Variants in PDE3B observed in about 807,000 individuals in gnomAD.
PDE3B encodes phosphodiesterase 3B.
A neutral mutation model predicts 116.8 loss-of-function variants in PDE3B; 66 were observed. The observed-to-expected ratio is 0.56, with a 90% CI of 0.46 to 0.69. The LOEUF (loss-of-function observed/expected upper bound fraction) is 0.69, where lower values mean the gene tolerates loss of function less well. Ranked by LOEUF, PDE3B falls within the 30% of genes least tolerant of loss-of-function variation. PDE3B has a pLI of 0.00. For missense variants in PDE3B, 1,384 were observed against 1,368.1 expected (o/e 1.01, Z -0.18); for synonymous variants, 595 against 533.6 (o/e 1.12, Z -1.59).
chr11:14,858,906 A>G (rs891250896), intron 12 of PDE3B, 137 bp from the exon 13 acceptor site: 11 of 575,750 alleles, frequency 1.9e-5, no homozygotes, highest in Non-Finnish European at 3.0e-5. Context: ...ACCTATTTTC[A>G]CAGGTACTAA....
intron 2 of PDE3B, among the ~76,000 whole-genome samples, chr11:14,779,124 AAAAG>A (rs1377873384): frequency 6.6e-6 from 1 of 152,188 alleles, no homozygotes; most frequent in Non-Finnish European, 1.5e-5. Context: ...ATTTAGAGAA[AAAAG>A]AAAGAAATGA....
intron 4 of PDE3B, among the ~76,000 whole-genome samples, chr11:14,795,788 T>TCC (rs1858533872): frequency 1.3e-5 from 2 of 152,156 alleles, no homozygotes; most frequent in African/African-American, 2.4e-5. Flanking sequence ...AGTGTGTTTG[T>TCC]ATGCTGTGAA....
chr11:14,704,111 T>G (rs1484987579), intron 1 of PDE3B, among the ~76,000 whole-genome samples: 1 of 151,824 alleles, frequency 6.6e-6, no homozygotes, highest in East Asian at 1.9e-4. Flanking sequence ...CTAATTTTTA[T>G]AATTCATTTC....
chr11:14,754,128 A>T (rs1857124375), intron 1 of PDE3B, among the ~76,000 whole-genome samples: 1 of 152,100 alleles, frequency 6.6e-6, no homozygotes, highest in South Asian at 2.1e-4. Context: ...AACTTTAAAA[A>T]ATATTTCATG....
chr11:14,899,049 G>A, the PDE3B span, among the ~76,000 whole-genome samples: 2 of 152,028 alleles, frequency 1.3e-5, no homozygotes, highest in African/African-American at 2.4e-5. Flanking sequence ...GATGTCAGAG[G>A]GCCCAAAACT....
chr11:14,813,319 G>A (rs964652174), intron 5 of PDE3B, among the ~76,000 whole-genome samples: 1 of 152,108 alleles, frequency 6.6e-6, no homozygotes, highest in Non-Finnish European at 1.5e-5. Flanking sequence ...GCTTTAGGGG[G>A]TAATCCATTT....
chr11:14,767,609 A>C (rs1857531194), intron 1 of PDE3B, among the ~76,000 whole-genome samples: 1 of 151,516 alleles, frequency 6.6e-6, no homozygotes, highest in African/African-American at 2.4e-5. Flanking sequence ...AAAATACTTC[A>C]GGTAAGATGA....
chr11:14,768,094 A>T (rs1316215524), intron 1 of PDE3B, among the ~76,000 whole-genome samples: 1 of 151,012 alleles, frequency 6.6e-6, no homozygotes, highest in Non-Finnish European at 1.5e-5. Flanking sequence ...TTATTCCCAC[A>T]TTTTTTTCTG....
At chr11:14,804,977 C>A (rs1443777663) in intron 5 of PDE3B, among the ~76,000 whole-genome samples, 1 of 151,880 alleles carries the variant, frequency 6.6e-6, no homozygotes, top group Non-Finnish European at 1.5e-5. Flanking sequence ...CAAACTGAAG[C>A]ACAGAGAAGG....
chr11:14,654,313 T>C (rs1263603048), intron 1 of PDE3B, among the ~76,000 whole-genome samples: 2 of 152,056 alleles, frequency 1.3e-5, no homozygotes, highest in Non-Finnish European at 2.9e-5. Flanking sequence ...AAAAGAGAAA[T>C]GGCCTTCAAA....
chr11:14,782,048 C>T (rs1363187207), intron 2 of PDE3B, among the ~76,000 whole-genome samples: 2 of 152,162 alleles, frequency 1.3e-5, no homozygotes, highest in Non-Finnish European at 2.9e-5. Context: ...TGAGTGAACT[C>T]CCATTCATGA....
chr11:14,867,865 C>T, intron 15 of PDE3B, 107 bp downstream of exon 15: 4 of 833,942 alleles, frequency 4.8e-6, no homozygotes, highest in Non-Finnish European at 7.4e-6. Flanking sequence ...TTTTGAGTGC[C>T]AGCATGGTGC....
At chr11:14,758,779 T>C (rs11023330) in intron 1 of PDE3B, among the ~76,000 whole-genome samples, 21,520 of 150,888 alleles carry the variant, frequency 0.14, 2,485 homozygotes, top group African/African-American at 0.31. Context: ...TGCCTAATTG[T>C]CCTGGCCAGA....
chr11:14,670,636 G>GT (rs1156604673), intron 1 of PDE3B, among the ~76,000 whole-genome samples: 1 of 152,100 alleles, frequency 6.6e-6, no homozygotes, highest in East Asian at 1.9e-4. Context: ...TCAAGGGGAT[G>GT]TTTTAAAGTA....
At chr11:14,686,904 G>A (rs1002134507) in intron 1 of PDE3B, among the ~76,000 whole-genome samples, 2 of 151,914 alleles carry the variant, frequency 1.3e-5, no homozygotes, top group African/African-American at 2.4e-5. Flanking sequence ...TATTAGAGAC[G>A]GTGTTTCACC....
At chr11:14,878,143 G>T in the PDE3B span, 5 of 1,613,156 alleles carry the variant, frequency 3.1e-6, no homozygotes, top group Non-Finnish European at 4.2e-6. Flanking sequence ...CAGCACAGAT[G>T]AGGTAGGGTT....
At chr11:14,714,303 T>A (rs1434047535) in intron 1 of PDE3B, among the ~76,000 whole-genome samples, 1 of 152,144 alleles carries the variant, frequency 6.6e-6, no homozygotes, top group Non-Finnish European at 1.5e-5. Context: ...ATGACATTCT[T>A]CCCTTGGCCC....
At chr11:14,724,368 A>G (rs1305629383) in intron 1 of PDE3B, among the ~76,000 whole-genome samples, 1 of 152,132 alleles carries the variant, frequency 6.6e-6, no homozygotes, top group Non-Finnish European at 1.5e-5. Flanking sequence ...CGAATTTGAG[A>G]TATGTTTGAG....
the PDE3B span, among the ~76,000 whole-genome samples, chr11:14,883,724 A>G: frequency 6.6e-6 from 1 of 152,080 alleles, no homozygotes; most frequent in Non-Finnish European, 1.5e-5. Context: ...CAGCAAAAGA[A>G]ACTACCATCA....
Sources: allele counts gnomAD v4.1 joint callset (sites outside exome capture counted in the v4.1 genomes callset), GRCh38; gene constraint gnomAD v4.1.1; transcripts MANE v1.5; gene names NCBI Gene and HGNC (gene_info 2026-07-23, HGNC 2026-07-21).